The following RALYL variants were observed in gnomAD, a reference collection of about 807,000 sequenced individuals.
The protein encoded by RALYL is RNA-binding Raly-like protein.
Under a neutral mutation model 35.1 loss-of-function variants are expected in RALYL, and 29 were observed. The ratio of observed to expected loss-of-function variants is 0.83; its 90% confidence interval spans 0.61 to 1.13. RALYL has a LOEUF of 1.13. Among genes scored for constraint, RALYL ranks in the 50% most tolerant of loss-of-function variants. The pLI is 0.00. For synonymous variants in RALYL, 120 were observed against 127.6 expected, an observed-to-expected ratio of 0.94 and a Z score of 0.40; for missense variants, 359 against 360.4, an observed-to-expected ratio of 1.00 and a Z score of 0.03.
intron 1 of RALYL, among the ~76,000 whole-genome samples, chr8:84,278,208 C>T (rs1283661909): frequency 6.6e-6 from 1 of 152,226 alleles, no homozygotes; most frequent in Non-Finnish European, 1.5e-5. Context: ...GGCTCAACAC[C>T]ATGTGTAAAC....
At chr8:84,511,145 T>C (rs2057583173) in intron 1 of RALYL, among the ~76,000 whole-genome samples, 1 of 152,166 alleles carries the variant, frequency 6.6e-6, no homozygotes, top group African/African-American at 2.4e-5. Flanking sequence ...CAACAACTTA[T>C]TCTGCTTTCA....
intron 4 of RALYL, among the ~76,000 whole-genome samples, chr8:84,819,133 G>GT (rs369137452): frequency 3.7e-4 from 56 of 151,794 alleles, no homozygotes; most frequent in East Asian, 2.3e-3. Context: ...ACTTTTTTGC[G>GT]TTTTTTTTAA....
At chr8:84,346,713 C>T (rs998104236) in intron 1 of RALYL, among the ~76,000 whole-genome samples, 3 of 152,068 alleles carry the variant, frequency 2.0e-5, no homozygotes, top group African/African-American at 7.2e-5. Flanking sequence ...AGGTGATCTG[C>T]CCATCTTAGC....
At chr8:84,782,493 T>TGAAG (rs777195132) in intron 3 of RALYL, among the ~76,000 whole-genome samples, 5 of 152,232 alleles carry the variant, frequency 3.3e-5, no homozygotes, top group Non-Finnish European at 7.3e-5. Flanking sequence ...CAGGTGCCAA[T>TGAAG]GAAGACAGGC....
At chr8:84,207,043 AG>A (rs1949545342) in intron 1 of RALYL, among the ~76,000 whole-genome samples, 1 of 152,174 alleles carries the variant, frequency 6.6e-6, no homozygotes, top group South Asian at 2.1e-4. Context: ...TGTGGAGAAA[AG>A]GGAACTCTTG....
intron 7 of RALYL, among the ~76,000 whole-genome samples, chr8:84,876,749 A>C (rs542135034): frequency 6.6e-6 from 1 of 152,190 alleles, no homozygotes. Flanking sequence ...GACTGGGACA[A>C]TTCCAGTGAT....
intron 7 of RALYL, among the ~76,000 whole-genome samples, chr8:84,875,717 G>T (rs1464098585): frequency 2.0e-5 from 3 of 151,996 alleles, no homozygotes; most frequent in African/African-American, 7.2e-5. Flanking sequence ...TGCTTGGAAA[G>T]AATTAACACT....
At chr8:84,680,047 G>C (rs190821976) in intron 2 of RALYL, among the ~76,000 whole-genome samples, 1 of 151,410 alleles carries the variant, frequency 6.6e-6, no homozygotes, top group Admixed American at 6.6e-5. Context: ...TTCCCTTCCT[G>C]TGTCCATGTG....
At chr8:84,369,981 C>T (rs1389815753) in intron 1 of RALYL, among the ~76,000 whole-genome samples, 2 of 152,058 alleles carry the variant, frequency 1.3e-5, no homozygotes, top group Non-Finnish European at 2.9e-5. Flanking sequence ...ATGATTTCAG[C>T]AGGGAGTCTT....
intron 2 of RALYL, among the ~76,000 whole-genome samples, chr8:84,635,216 G>A (rs1824795572): frequency 6.6e-6 from 1 of 151,446 alleles, no homozygotes; most frequent in Non-Finnish European, 1.5e-5. Flanking sequence ...ACAAAATGGA[G>A]GCATGAAAAA....
intron 1 of RALYL, among the ~76,000 whole-genome samples, chr8:84,505,200 C>T (rs2057059272): frequency 6.6e-6 from 1 of 152,122 alleles, no homozygotes; most frequent in Non-Finnish European, 1.5e-5. Context: ...GTTTAGTATC[C>T]AGTTCATTTT....
rs181698366 is a variant in RALYL at position 84,280,330 on chromosome 8, A to G, written c.-24+95906A>G. On this transcript the variant is annotated intron_variant, in intron 1 of 8. Transcript: ENST00000521268. Reference sequence around the variant, plus strand: ...TCTAGAAGTTTCTCATAGGTTAGAAAACAATATACCAAAATTTCTACATGG... The same window carrying G: ...TCTAGAAGTTTCTCATAGGTTAGAAGACAATATACCAAAATTTCTACATGG... 3.1e-3 allele frequency among the ~76,000 whole-genome samples: 474 copies of G among 152,288 alleles called. 5 individuals carry two copies. The highest frequency in any genetic ancestry group is 0.011 in the African/African-American group (459 of 41,558).
At chr8:84,456,828 A>G (rs1322147209) in intron 1 of RALYL, among the ~76,000 whole-genome samples, 2 of 152,010 alleles carry the variant, frequency 1.3e-5, no homozygotes, top group African/African-American at 4.8e-5. Flanking sequence ...AAATTTTTAA[A>G]TTAATATTCT....
chr8:84,418,404 A>T (rs1218899670), intron 1 of RALYL, among the ~76,000 whole-genome samples: 2 of 152,208 alleles, frequency 1.3e-5, no homozygotes, highest in Non-Finnish European at 2.9e-5. Flanking sequence ...CTAGTATTAC[A>T]AATGTCTATG....
Position 84,775,668 on chromosome 8 carries a change from T to A in RALYL, c.332+1014T>A, listed in dbSNP as rs78393009. ...GCCCCAATTTGTCAGTGTCTATATC[T>A]ATGCGGAGAATCCAGGTGAAGAGAT... is the stretch of plus-strand genomic sequence containing the variant. On this transcript the variant is annotated intron_variant, in intron 3 of 8. Transcript: ENST00000521268. Among the ~76,000 whole-genome samples the A allele has an allele frequency of 6.6e-4, 101 of 152,340 alleles. 1 individual carries two copies. In the East Asian group the frequency reaches 0.019, roughly 28 times the overall value.
chr8:84,443,093 A>G (rs1003950807), intron 1 of RALYL, among the ~76,000 whole-genome samples: 1 of 152,146 alleles, frequency 6.6e-6, no homozygotes, highest in Non-Finnish European at 1.5e-5. Flanking sequence ...TATCATTTTT[A>G]TATTACTACA....
intron 2 of RALYL, among the ~76,000 whole-genome samples, chr8:84,683,981 C>T (rs903882773): frequency 1.3e-5 from 2 of 152,042 alleles, no homozygotes; most frequent in African/African-American, 2.4e-5. Flanking sequence ...GGATTACAGG[C>T]GTTGAGCCAT....
chr8:84,320,238 TAG>T (rs1411351572), intron 1 of RALYL, among the ~76,000 whole-genome samples: 9 of 152,126 alleles, frequency 5.9e-5, no homozygotes, highest in Non-Finnish European at 8.8e-5. Flanking sequence ...TTGTCTGCGC[TAG>T]AGTCATATGA....
In RALYL at chr8:84,826,041, T is replaced by C. The variant is rs183537349; in HGVS notation, c.365+21239T>C. Among the ~76,000 whole-genome samples, 148 of 152,084 alleles carry C rather than the reference T, an allele frequency of 9.7e-4. 2 individuals are homozygous for C. The highest frequency in any genetic ancestry group is 3.2e-3 in the African/African-American group (134 of 41,476). ...GCTGGAGGTCATTATCCAAAGTGAA[T>C]TAATGCAGGAACAAAAAAAATATAT... On this transcript the variant is annotated intron_variant, in intron 4 of 8. Coordinates refer to ENST00000521268, the MANE Select transcript of RALYL (RefSeq NM_173848.7).
Sources: gnomAD v4.1 joint callset for allele counts (sites outside exome capture counted in the v4.1 genomes callset) on GRCh38, gnomAD v4.1.1 for gene constraint, MANE v1.5 for transcripts, NCBI Gene and HGNC (gene_info 2026-07-23, HGNC 2026-07-21) for gene names.